The following COQ10B variants were observed in gnomAD, a reference collection of about 807,000 sequenced individuals.
COQ10B encodes the protein coenzyme Q10B.
A neutral mutation model predicts 27.6 loss-of-function variants in COQ10B; 12 were observed. The ratio of observed to expected loss-of-function variants is 0.43; its 90% CI spans 0.28 to 0.70. COQ10B has a LOEUF of 0.70. Among genes scored for constraint, COQ10B ranks in the 30% least tolerant of loss-of-function variants. The probability of loss-of-function intolerance (pLI) is 0.17; values close to 1 mark genes in which losing one functional copy is unlikely to be tolerated. For synonymous variants in COQ10B, 115 were observed against 103.0 expected (o/e 1.12, Z -0.71); for missense variants, 278 against 288.7 (o/e 0.96, Z 0.27).
chr2:197,463,868 A>C (rs1175787559), intron 3 of COQ10B, among the ~76,000 whole-genome samples: 3 of 140,442 alleles, frequency 2.1e-5, no homozygotes, highest in African/African-American at 8.1e-5. Flanking sequence ...CAGGAGGCAG[A>C]GGTTGCAGTG....
rs10640829 is a variant in COQ10B at position 197,474,817 on chromosome 2, C to CTTTTTTT, written c.*904_*910dup. On this transcript the variant is annotated 3_prime_UTR_variant, in exon 5 of 5. Coordinates refer to ENST00000263960, the MANE Select transcript of COQ10B (RefSeq NM_025147.5). Reference sequence around the variant, plus strand: ...TCCCAGATAAACAGTGTATTTTCTTCTTTTTTTTTTTTTTTTTGGTGAGTG... The same window carrying CTTTTTTT: ...TCCCAGATAAACAGTGTATTTTCTTCTTTTTTTTTTTTTTTTTTTTTTTTGGTGAGTG... 2.3e-5 allele frequency: 3 copies of CTTTTTTT among 133,268 alleles called. No homozygotes were observed. Among genetic ancestry groups the CTTTTTTT allele is most frequent in the Non-Finnish European group, 3.2e-5 (2 of 61,918 alleles). 8.3% of individuals were successfully genotyped at this position (133,268 alleles called of 1,614,324 possible). A position where few individuals can be genotyped will look rare whatever the true frequency, so the allele number is the denominator to read the frequency against.
Position 197,474,493 on chromosome 2 carries a change from C to T in COQ10B, c.*569C>T, listed in dbSNP as rs2085928780. On this transcript the variant is annotated 3_prime_UTR_variant, in exon 5 of 5. Transcript: ENST00000263960. ...TTGAGGTCAGGAGTTCTAGACCAGC[C>T]TGGTCAACATGGCGAAACCCCATCT... 1 of 152,208 alleles carries T rather than the reference C, an allele frequency of 6.6e-6. No individual in the cohort carries two copies. The highest frequency in any genetic ancestry group is 6.5e-5 in the Admixed American group (1 of 15,270). The allele number at this position is 152,208 out of a possible 1,614,324, so 9.4% of individuals were successfully genotyped here.
intron 3 of COQ10B, among the ~76,000 whole-genome samples, chr2:197,469,799 A>G (rs1359236369): frequency 4.6e-5 from 7 of 152,262 alleles, no homozygotes; most frequent in Admixed American, 4.6e-4. Context: ...TTCTAGAGGA[A>G]GGAAAGCTAA....
intron 3 of COQ10B, among the ~76,000 whole-genome samples, chr2:197,465,805 G>T (rs961863724): frequency 6.6e-6 from 1 of 152,086 alleles, no homozygotes; most frequent in African/African-American, 2.4e-5. Context: ...AAACAAACAG[G>T]CTGGATGTGG....
chr2:197,453,909 C>A, intron 1 of COQ10B: 1 of 1,520,754 alleles, frequency 6.6e-7, no homozygotes, highest in Non-Finnish European at 8.9e-7. Flanking sequence ...GGCGAAGCGA[C>A]TTTGGAAGCA....
At position 197,460,022 on chromosome 2, in the gene COQ10B, C is replaced by CA. The variant is rs1205635838; in HGVS notation, c.199dup (p.Ile67AsnfsTer27). On this transcript the variant is annotated frameshift_variant, in exon 2 of 5. Transcript: ENST00000263960. LOFTEE classifies it high-confidence loss of function. Reference sequence around the variant, plus strand: ...AGGAGATATGTGCACGAACTTTCTTCAAAATCACTGCACCATTAATAAACA... The same window carrying CA: ...AGGAGATATGTGCACGAACTTTCTTCAAAAATCACTGCACCATTAATAAACA... 9 of 1,611,630 alleles carry CA rather than the reference C, an allele frequency of 5.6e-6. No individual in the cohort carries two copies. Among genetic ancestry groups the CA allele is most frequent in the Non-Finnish European group, 7.6e-6 (9 of 1,178,254 alleles).
chr2:197,473,402 CAAAA>C (rs1208430482), intron 4 of COQ10B, among the ~76,000 whole-genome samples: 19 of 45,666 alleles, frequency 4.2e-4, no homozygotes, highest in African/African-American at 5.1e-4. Context: ...CCCCCCCCCA[CAAAA>C]AAAAAAAAAA....
chr2:197,461,362 G>A (rs1348715540), intron 2 of COQ10B, among the ~76,000 whole-genome samples: 1 of 152,120 alleles, frequency 6.6e-6, no homozygotes, highest in African/African-American at 2.4e-5. Context: ...CCTCCTCCCA[G>A]ATATTACTGG....
Position 197,473,941 on chromosome 2 carries a change from G to T in COQ10B, c.*17G>T. ...CACACATAAAGGCAAAAAAGAACTG[G>T]TGCCACCTGCTTCTGACTTTAGTTT... On this transcript the variant is annotated 3_prime_UTR_variant, in exon 5 of 5. Coordinates refer to ENST00000263960, the MANE Select transcript of COQ10B (RefSeq NM_025147.5). 6.9e-7 allele frequency: 1 copy of T among 1,456,018 alleles called. No homozygotes were observed. The highest frequency in any genetic ancestry group is 9.2e-7 in the Non-Finnish European group (1 of 1,092,334). 90.2% of individuals were successfully genotyped at this position (1,456,018 alleles called of 1,614,324 possible).
intron 3 of COQ10B, among the ~76,000 whole-genome samples, chr2:197,464,042 T>C (rs1159626693): frequency 6.8e-5 from 7 of 103,330 alleles, no homozygotes; most frequent in Admixed American, 1.2e-4. Context: ...TACACACACA[T>C]ATATATATAC....
intron 3 of COQ10B, among the ~76,000 whole-genome samples, chr2:197,465,347 T>C (rs1282146334): frequency 1.3e-5 from 2 of 151,406 alleles, no homozygotes; most frequent in Non-Finnish European, 2.9e-5. Context: ...TGCAGTACAG[T>C]AGCACAAGCA....
intron 1 of COQ10B, chr2:197,453,996 A>C (rs2085667461): frequency 4.5e-6 from 7 of 1,550,898 alleles, no homozygotes; most frequent in Non-Finnish European, 6.1e-6. Flanking sequence ...GAAAGTTTTA[A>C]CTTTGCGCAG....
intron 4 of COQ10B, among the ~76,000 whole-genome samples, chr2:197,472,800 CAAAAAA>C (rs34942079): frequency 3.1e-5 from 3 of 96,072 alleles, no homozygotes; most frequent in African/African-American, 7.9e-5. Flanking sequence ...GGCTCCATCT[CAAAAAA>C]AAAAAAAAAA....
intron 3 of COQ10B, among the ~76,000 whole-genome samples, chr2:197,467,654 G>C (rs1191090979): frequency 7.2e-5 from 11 of 152,200 alleles, no homozygotes; most frequent in Admixed American, 7.2e-4. Context: ...TGGGATTACA[G>C]GCATGAGCCA....
intron 3 of COQ10B, among the ~76,000 whole-genome samples, chr2:197,463,153 T>TA (rs1559292800): frequency 6.6e-6 from 1 of 152,306 alleles, no homozygotes; most frequent in East Asian, 1.9e-4. Flanking sequence ...GGAAAAAAAT[T>TA]AAAGTGGTGA....
chr2:197,460,662 A>G (rs2085747923), intron 2 of COQ10B, among the ~76,000 whole-genome samples: 3 of 152,188 alleles, frequency 2.0e-5, no homozygotes, highest in Admixed American at 2.0e-4. Flanking sequence ...ATATGTTTAC[A>G]TAGCTTCCTC....
At chr2:197,467,768 A>C (rs1351402785) in intron 3 of COQ10B, among the ~76,000 whole-genome samples, 1 of 152,220 alleles carries the variant, frequency 6.6e-6, no homozygotes, top group African/African-American at 2.4e-5. Context: ...GAAGAACAGA[A>C]GCCATGTGAC....
intron 1 of COQ10B, among the ~76,000 whole-genome samples, chr2:197,458,274 A>G (rs1390628001): frequency 2.0e-5 from 3 of 152,146 alleles, no homozygotes; most frequent in African/African-American, 7.2e-5. Flanking sequence ...ACTAATGCCT[A>G]TGTGTATTAG....
At chr2:197,463,671 G>A (rs1416426664) in intron 3 of COQ10B, among the ~76,000 whole-genome samples, 1 of 150,116 alleles carries the variant, frequency 6.7e-6, no homozygotes, top group African/African-American at 2.4e-5. Flanking sequence ...AGTGGCTCAC[G>A]CCTGTAATCC....
Sources: gnomAD v4.1 joint callset for allele counts (sites outside exome capture counted in the v4.1 genomes callset) on GRCh38, gnomAD v4.1.1 for gene constraint, MANE v1.5 for transcripts, NCBI Gene and HGNC (gene_info 2026-07-23, HGNC 2026-07-21) for gene names.